Variants in ZNF423 observed in about 807,000 individuals in gnomAD.
ZNF423 encodes the protein zinc finger protein 423.
In ZNF423, 12 loss-of-function variants were observed where a neutral mutation model predicts 95.8. The observed-to-expected ratio is 0.13, with a 90% CI of 0.08 to 0.20. The LOEUF is 0.20. Among genes scored for constraint, ZNF423 ranks in the 10% least tolerant of loss-of-function variants. The pLI is 1.00. For synonymous variants in ZNF423, 749 were observed against 711.9 expected (o/e 1.05, Z -0.83); for missense variants, 1,316 against 1,737.1 (o/e 0.76, Z 4.31).
At chr16:49,545,532 C>A (rs1035633679) in intron 5 of ZNF423, among the ~76,000 whole-genome samples, 23 of 152,208 alleles carry the variant, frequency 1.5e-4, no homozygotes, top group African/African-American at 5.5e-4. Flanking sequence ...GGTGACCCCC[C>A]ACTCTAACTG....
chr16:49,534,174 A>T (rs552699413), intron 5 of ZNF423, among the ~76,000 whole-genome samples: 1 of 152,346 alleles, frequency 6.6e-6, no homozygotes, highest in Admixed American at 6.5e-5. Context: ...AATTAAAAAA[A>T]AATTAAAGAA....
At chr16:49,555,216 G>C (rs1470792801) in intron 5 of ZNF423, among the ~76,000 whole-genome samples, 2 of 152,172 alleles carry the variant, frequency 1.3e-5, no homozygotes, top group Non-Finnish European at 2.9e-5. Flanking sequence ...GCCTATGTCA[G>C]TAGGTCCCTC....
At position 49,636,695 on chromosome 16, in the gene ZNF423, G is replaced by A; in HGVS notation, c.2481C>T (p.Ile827=). 1 of 1,614,112 alleles carries A rather than the reference G, an allele frequency of 6.2e-7. No individual in the cohort carries two copies. Among genetic ancestry groups the A allele is most frequent in the Non-Finnish European group, 8.5e-7 (1 of 1,180,028 alleles). The stretch of plus-strand genomic sequence containing the variant: ...CCCGCAGGTGCTTCTCCAGCAGGAT[G>A]ATGGCGTGGAAGGCCTTGCTGCAGA... ...CKFCSKAFHA[I]ILLEKHLREK... The change falls in exon 4 of 8, where the codon ATC becomes ATT. Residue 827 remains isoleucine, a synonymous_variant. Transcript: ENST00000563137. The surrounding 1 kb of genome is among the most constrained non-coding windows in gnomAD (Gnocchi z 8.6).
intron 2 of ZNF423, among the ~76,000 whole-genome samples, chr16:49,738,797 A>G (rs1230057122): frequency 6.6e-6 from 1 of 151,972 alleles, no homozygotes; most frequent in Non-Finnish European, 1.5e-5. Context: ...TCTTCTCCCA[A>G]TCAGATTTGG....
intron 3 of ZNF423, among the ~76,000 whole-genome samples, chr16:49,678,205 T>A (rs1321155330): frequency 6.6e-6 from 1 of 151,724 alleles, no homozygotes; most frequent in African/African-American, 2.4e-5. Context: ...AAATATTACA[T>A]TTTATTTGAA....
intron 2 of ZNF423, among the ~76,000 whole-genome samples, chr16:49,757,724 G>T (rs1023310917): frequency 6.6e-6 from 1 of 152,170 alleles, no homozygotes; most frequent in Non-Finnish European, 1.5e-5. Context: ...GTGAAGAAAG[G>T]CCTCAAAGAC....
At position 49,750,725 on chromosome 16, in the gene ZNF423, A is replaced by G. The variant is rs114801465; in HGVS notation, c.101-19754T>C. 6.7e-3 allele frequency among the ~76,000 whole-genome samples: 1,021 copies of G among 152,332 alleles called. 9 individuals are homozygous for G. The highest frequency in any genetic ancestry group is 0.023 in the African/African-American group (976 of 41,572). On this transcript the variant is annotated intron_variant, in intron 2 of 7. Transcript: ENST00000563137. ...ACAGAAGATGCATAAATAGAGAAAT[A>G]AAATCATTGCTGTGAGTGATCAGCG...
chr16:49,758,520 T>C (rs915505122), intron 2 of ZNF423, among the ~76,000 whole-genome samples: 46 of 152,124 alleles, frequency 3.0e-4, no homozygotes, highest in African/African-American at 9.4e-4. Context: ...GTAGGGAGAA[T>C]CGCTTGAAGC....
rs1034955913 is a variant in ZNF423, at chr16:49,807,348, G to A, written c.41-17802C>T. On this transcript the variant is annotated intron_variant, in intron 1 of 7. Transcript: ENST00000563137. ...CGGGAGGCTGAGGCAGGAGAATGGCGTGAACCCGGGAGGCAGAGCTTGCAG... is the reference window on the plus strand; with the variant it reads ...CGGGAGGCTGAGGCAGGAGAATGGCATGAACCCGGGAGGCAGAGCTTGCAG... 2.3e-4 allele frequency among the ~76,000 whole-genome samples: 34 copies of A among 151,010 alleles called. No homozygotes were observed. In the East Asian group the frequency reaches 2.8e-3, roughly 12 times the overall value.
intron 5 of ZNF423, among the ~76,000 whole-genome samples, chr16:49,622,958 C>G (rs1473332825): frequency 1.3e-5 from 2 of 152,180 alleles, no homozygotes; most frequent in East Asian, 3.9e-4. Context: ...GTACTCCCGT[C>G]ACCCACAGAG....
At chr16:49,518,194 G>A (rs1968233308) in intron 7 of ZNF423, 1 of 381,320 alleles carries the variant, frequency 2.6e-6, no homozygotes, top group East Asian at 7.2e-5. Flanking sequence ...AACCTGTGTT[G>A]ACCACATGCA....
intron 5 of ZNF423, among the ~76,000 whole-genome samples, chr16:49,546,969 T>C (rs1324945138): frequency 1.3e-5 from 2 of 150,484 alleles, no homozygotes; most frequent in East Asian, 2.0e-4. Context: ...TTTCTCACTG[T>C]CCAGAATGGA....
intron 3 of ZNF423, among the ~76,000 whole-genome samples, chr16:49,673,976 G>C (rs1039036249): frequency 6.6e-6 from 1 of 152,196 alleles, no homozygotes; most frequent in Non-Finnish European, 1.5e-5. Context: ...ATGAAGGCCT[G>C]CTGCTGGGTC....
rs374563134 is a variant in ZNF423, at chr16:49,707,616, A to G, written c.301+23155T>C. Reference sequence around the variant, plus strand: ...TGGGCGACAGAGTGAGACTGTCTCAAAAAAAAAAAAAAAAACAAAGAGCAC... The same window carrying G: ...TGGGCGACAGAGTGAGACTGTCTCAGAAAAAAAAAAAAAAACAAAGAGCAC... On this transcript the variant is annotated intron_variant, in intron 3 of 7. Coordinates refer to ENST00000563137, the MANE Select transcript of ZNF423 (RefSeq NM_001379286.1). Among the ~76,000 whole-genome samples, 642 of 148,386 alleles carry G rather than the reference A, an allele frequency of 4.3e-3. 2 individuals carry two copies. Among genetic ancestry groups the G allele is most frequent in the African/African-American group, 0.015 (603 of 40,786 alleles).
At chr16:49,804,291 T>C (rs1054873957) in intron 1 of ZNF423, among the ~76,000 whole-genome samples, 17 of 152,250 alleles carry the variant, frequency 1.1e-4, no homozygotes, top group Admixed American at 7.8e-4. Context: ...TACACTAATA[T>C]GCAAATCCCA....
intron 5 of ZNF423, among the ~76,000 whole-genome samples, chr16:49,567,754 G>A (rs542278442): frequency 1.3e-5 from 2 of 152,256 alleles, no homozygotes; most frequent in East Asian, 3.9e-4. Flanking sequence ...CCTCCACCAG[G>A]TGTGGCCATT....
chr16:49,690,575 C>T (rs1481672715), intron 3 of ZNF423, among the ~76,000 whole-genome samples: 1 of 152,228 alleles, frequency 6.6e-6, no homozygotes, highest in East Asian at 1.9e-4. Flanking sequence ...CATGATGTGA[C>T]ATCATCTCCC....
intron 5 of ZNF423, among the ~76,000 whole-genome samples, chr16:49,565,008 C>T (rs1021104310): frequency 5.9e-5 from 9 of 152,186 alleles, no homozygotes; most frequent in African/African-American, 2.2e-4. Context: ...GAGTTCCATC[C>T]TGTTCTTGAG....
At chr16:49,513,292 C>T (rs1039807245) in intron 7 of ZNF423, among the ~76,000 whole-genome samples, 2 of 152,142 alleles carry the variant, frequency 1.3e-5, no homozygotes, top group African/African-American at 4.8e-5. Flanking sequence ...CCCTGGTCTC[C>T]CAGCAGAAGT....
Sources: allele counts gnomAD v4.1 joint callset (sites outside exome capture counted in the v4.1 genomes callset), GRCh38; gene constraint gnomAD v4.1.1; non-coding constraint Gnocchi (gnomAD v3.1); transcripts MANE v1.5; gene names NCBI Gene and HGNC (gene_info 2026-07-23, HGNC 2026-07-21).